SUMF1: variants seen among roughly 807,000 people sequenced by gnomAD.
The protein encoded by SUMF1 is sulfatase modifying factor 1, also known as formylglycine-generating enzyme.
In SUMF1, 48 loss-of-function variants were observed where a neutral mutation model predicts 47.6. That is an observed-to-expected ratio of 1.01 (90% CI 0.80 to 1.28). The LOEUF is 1.28. SUMF1 is among the 50% of genes most tolerant of loss of function. SUMF1 has a pLI of 0.00. For missense variants in SUMF1, 571 were observed against 485.4 expected, an observed-to-expected ratio of 1.18 and a Z score of -1.66; for synonymous variants, 230 against 192.1, an observed-to-expected ratio of 1.20 and a Z score of -1.63.
At chr3:4,303,303 C>A in intron 8 of SUMF1, 1 of 1,429,550 alleles carries the variant, frequency 7.0e-7, no homozygotes, top group Non-Finnish European at 9.2e-7. Context: ...GCCACGGGAC[C>A]ACAAGTCCCA....
chr3:4,177,188 C>T (rs1694985116), intron 8 of SUMF1, among the ~76,000 whole-genome samples: 1 of 152,128 alleles, frequency 6.6e-6, no homozygotes, highest in Admixed American at 6.5e-5. Context: ...AACAAGCAGA[C>T]CCAATAGACA....
chr3:4,151,399 G>GTA (rs1291687836), intron 8 of SUMF1, among the ~76,000 whole-genome samples: 106 of 103,460 alleles, frequency 1.0e-3, no homozygotes, highest in African/African-American at 3.7e-3. Context: ...GTATATATAT[G>GTA]TATATGTATA....
intron 8 of SUMF1, among the ~76,000 whole-genome samples, chr3:4,230,180 C>T (rs1696268627): frequency 6.6e-6 from 1 of 151,988 alleles, no homozygotes; most frequent in African/African-American, 2.4e-5. Flanking sequence ...TTCCTTACAG[C>T]AACCAATTCT....
At chr3:4,276,179 G>T (rs956436308) in intron 8 of SUMF1, among the ~76,000 whole-genome samples, 1 of 152,056 alleles carries the variant, frequency 6.6e-6, no homozygotes, top group African/African-American at 2.4e-5. Context: ...AGATTTGAAG[G>T]GATATTTTAC....
intron 3 of SUMF1, among the ~76,000 whole-genome samples, chr3:4,435,183 G>A (rs981922951): frequency 6.6e-6 from 1 of 152,062 alleles, no homozygotes; most frequent in African/African-American, 2.4e-5. Context: ...CACCTCGGCC[G>A]CCCAAAGTGC....
intron 1 of SUMF1, among the ~76,000 whole-genome samples, chr3:4,454,618 T>G (rs78146038): frequency 4.4e-4 from 67 of 152,240 alleles, no homozygotes; most frequent in African/African-American, 1.3e-3. Flanking sequence ...ATGTAAAAAC[T>G]TGTACAAAAA....
intron 8 of SUMF1, among the ~76,000 whole-genome samples, chr3:4,157,566 G>A (rs772694604): frequency 6.6e-6 from 1 of 151,424 alleles, no homozygotes; most frequent in Non-Finnish European, 1.5e-5. Flanking sequence ...CACTGGAAGG[G>A]CAAGAGTTGA....
intron 8 of SUMF1, among the ~76,000 whole-genome samples, chr3:4,347,562 C>A (rs2125149873): frequency 6.6e-6 from 1 of 152,210 alleles, no homozygotes; most frequent in East Asian, 1.9e-4. Context: ...TATGTCAAAC[C>A]CACAGCCAAT....
chr3:4,407,085 GACAC>G (rs113556805), intron 7 of SUMF1, among the ~76,000 whole-genome samples: 5,575 of 148,380 alleles, frequency 0.038, 167 homozygotes, highest in Middle Eastern at 0.066. Context: ...ACACACATGG[GACAC>G]ACACACACAC....
At chr3:4,452,855 T>A (rs751587583) in intron 2 of SUMF1, 21 bp downstream of exon 2, 2 of 1,614,066 alleles carry the variant, frequency 1.2e-6, no homozygotes, top group Non-Finnish European at 1.7e-6. Context: ...AAGTTCTCCC[T>A]CCTTTCCCCA....
At chr3:4,120,617 G>A (rs1001223701) in intron 8 of SUMF1, among the ~76,000 whole-genome samples, 3 of 151,980 alleles carry the variant, frequency 2.0e-5, no homozygotes, top group Non-Finnish European at 2.9e-5. Context: ...AGAAGGAAAG[G>A]GTCCCTCTCT....
At chr3:4,426,605 T>C (rs1702076628) in intron 3 of SUMF1, among the ~76,000 whole-genome samples, 2 of 152,346 alleles carry the variant, frequency 1.3e-5, no homozygotes, top group Admixed American at 1.3e-4. Flanking sequence ...ATTAGGCATT[T>C]CATCAAGGCT....
chr3:4,388,030 AG>A (rs962884631), intron 7 of SUMF1, among the ~76,000 whole-genome samples: 1 of 152,050 alleles, frequency 6.6e-6, no homozygotes, highest in Non-Finnish European at 1.5e-5. Context: ...ATAACTGAAA[AG>A]GGGTATTCTG....
chr3:4,265,616 A>T (rs1697176036), intron 8 of SUMF1, among the ~76,000 whole-genome samples: 1 of 152,162 alleles, frequency 6.6e-6, no homozygotes, highest in South Asian at 2.1e-4. Context: ...CTCATTGTAG[A>T]TTCTGGATAT....
intron 8 of SUMF1, among the ~76,000 whole-genome samples, chr3:4,159,162 T>A (rs543907731): frequency 1.8e-4 from 27 of 151,506 alleles, no homozygotes; most frequent in Non-Finnish European, 3.2e-4. Context: ...TACCTTCAGA[T>A]GACTTACTCC....
chr3:4,089,320 C>A (rs940698334), intron 8 of SUMF1, among the ~76,000 whole-genome samples: 1 of 152,088 alleles, frequency 6.6e-6, no homozygotes, highest in African/African-American at 2.4e-5. Flanking sequence ...CAACAATTGG[C>A]AACACTTCAG....
intron 8 of SUMF1, among the ~76,000 whole-genome samples, chr3:4,368,610 G>A (rs1447992681): frequency 1.3e-5 from 2 of 152,104 alleles, no homozygotes; most frequent in African/African-American, 4.8e-5. Context: ...ATGACAGACT[G>A]GATTAAGAAA....
At position 4,467,167 on chromosome 3, in the gene SUMF1, G is replaced by C. The variant is rs771193676; in HGVS notation, c.79C>G (p.Leu27Val). The C allele has an allele frequency of 8.1e-6, 13 of 1,605,716 alleles. No homozygotes were observed. Among genetic ancestry groups the C allele is most frequent in the Non-Finnish European group, 1.1e-5 (13 of 1,177,084 alleles). ...GLVLLLLLLS[L>V]LCGAAGSQEA... is the part of the protein sequence containing the mutation. ...TGGCTCCCTGCCGCTCCACACAGCA[G>C]CGAGAGCAGCAGCAGCAAGAGGACG... The change falls in exon 1 of 9, where the codon CTG becomes GTG. Residue 27 changes from leucine (L) to valine (V), a missense_variant. Coordinates refer to ENST00000272902, the MANE Select transcript of SUMF1 (RefSeq NM_182760.4).
At chr3:4,455,245 A>C (rs1175693509) in intron 1 of SUMF1, among the ~76,000 whole-genome samples, 1 of 152,246 alleles carries the variant, frequency 6.6e-6, no homozygotes, top group Non-Finnish European at 1.5e-5. Flanking sequence ...CAAGGGTTCA[A>C]TATCACAGAA....
Sources: gnomAD v4.1 joint callset for allele counts (sites outside exome capture counted in the v4.1 genomes callset) on GRCh38, gnomAD v4.1.1 for gene constraint, MANE v1.5 for transcripts, NCBI Gene and HGNC (gene_info 2026-07-23, HGNC 2026-07-21) for gene names.